KAZN: variants seen among roughly 807,000 people sequenced by gnomAD.
The protein encoded by KAZN is kazrin.
KAZN carries 40 observed loss-of-function variants against 87.4 expected under a neutral mutation model. That is an observed-to-expected ratio of 0.46 (90% confidence interval 0.36 to 0.60). The LOEUF (loss-of-function observed/expected upper bound fraction) is 0.60, where lower values mean the gene tolerates loss of function less well. KAZN is among the 20% of genes least tolerant of loss of function. The probability of loss-of-function intolerance (pLI) is 0.00; values close to 1 mark genes in which losing one functional copy is unlikely to be tolerated. For missense variants in KAZN, 898 were observed against 1,073.9 expected, an observed-to-expected ratio of 0.84 and a Z score of 2.29; for synonymous variants, 466 against 458.3, an observed-to-expected ratio of 1.02 and a Z score of -0.22.
At chr1:14,739,339 T>C (rs577384872) in intron 1 of KAZN, among the ~76,000 whole-genome samples, 1 of 152,140 alleles carries the variant, frequency 6.6e-6, no homozygotes, top group African/African-American at 2.4e-5. Flanking sequence ...TTGGAGTGGA[T>C]GGCCTCTGGC....
chr1:14,499,170 T>TG (rs1450712105), intron 2 of KAZN, among the ~76,000 whole-genome samples: 1 of 152,126 alleles, frequency 6.6e-6, no homozygotes, highest in Non-Finnish European at 1.5e-5. Flanking sequence ...ATCGGGTGAC[T>TG]GGAGTTCTGA....
chr1:15,007,714 C>T (rs534096128), intron 2 of KAZN, among the ~76,000 whole-genome samples: 7 of 152,312 alleles, frequency 4.6e-5, no homozygotes, highest in South Asian at 4.1e-4. Flanking sequence ...TTAGCAGGCC[C>T]GGCAAAGTGG....
At chr1:14,416,998 A>ATACATATGTATATATG (rs1664832365) in intron 2 of KAZN, among the ~76,000 whole-genome samples, 4 of 84,462 alleles carry the variant, frequency 4.7e-5, no homozygotes, top group Non-Finnish European at 9.8e-5. Flanking sequence ...ATATGTGTGT[A>ATACATATGTATATATG]TGTATATATA....
At chr1:15,051,688 T>C (rs1674424289) in intron 4 of KAZN, among the ~76,000 whole-genome samples, 1 of 152,116 alleles carries the variant, frequency 6.6e-6, no homozygotes, top group Non-Finnish European at 1.5e-5. Flanking sequence ...ATCCCACAGC[T>C]CAGAGTGGCA....
intron 2 of KAZN, among the ~76,000 whole-genome samples, chr1:14,498,337 C>A (rs1185138598): frequency 3.3e-5 from 5 of 152,194 alleles, no homozygotes; most frequent in Non-Finnish European, 5.9e-5. Context: ...GCTCTGTGCC[C>A]CAGGGTGAAG....
At chr1:14,290,838 G>A (rs1653627673) in intron 2 of KAZN, among the ~76,000 whole-genome samples, 1 of 152,214 alleles carries the variant, frequency 6.6e-6, no homozygotes, top group Non-Finnish European at 1.5e-5. Flanking sequence ...GGTCTTTGAT[G>A]TTGGTGAACT....
In KAZN at chr1:14,710,072, G is replaced by A. The variant is rs115797591; in HGVS notation, c.226+110849G>A. On this transcript the variant is annotated intron_variant, in intron 1 of 14. Transcript: ENST00000376030. ...CCACACCCCAGGCTTCAAAGAGAAC[G>A]TGCTGGACACTGCCTCTGCCCTGGT... is the stretch of plus-strand genomic sequence containing the variant. 6.5e-3 allele frequency among the ~76,000 whole-genome samples: 993 copies of A among 152,250 alleles called. 8 individuals carry two copies. Among genetic ancestry groups the A allele is most frequent in the Middle Eastern group, 0.014 (4 of 294 alleles).
At chr1:14,076,313 G>C (rs553007111) in intron 1 of KAZN, among the ~76,000 whole-genome samples, 11 of 152,120 alleles carry the variant, frequency 7.2e-5, no homozygotes, top group African/African-American at 2.6e-4. Flanking sequence ...ACACAGACAG[G>C]TCAGCACACT....
chr1:14,764,212 C>G lies in KAZN; in HGVS notation c.226+164989C>G, dbSNP rs537486394. 2.4e-3 allele frequency among the ~76,000 whole-genome samples: 368 copies of G among 152,156 alleles called. 1 individual carries two copies. The highest frequency in any genetic ancestry group is 8.4e-3 in the African/African-American group (348 of 41,508). ...CCCGGGGCACTGAGGGCTGGGACCTCAGGCCTTTGCATGGGCTGTACTTTC... is the reference window on the plus strand; with the variant it reads ...CCCGGGGCACTGAGGGCTGGGACCTGAGGCCTTTGCATGGGCTGTACTTTC... On this transcript the variant is annotated intron_variant, in intron 1 of 14. Coordinates refer to ENST00000376030, the MANE Select transcript of KAZN (RefSeq NM_201628.3).
At position 14,264,801 on chromosome 1, in the gene KAZN, T is replaced by G. The variant is rs915170519; in HGVS notation, c.249+84209T>G. On this transcript the variant is annotated intron_variant, in intron 2 of 16. Transcript: ENST00000636203. ...AATCAATTTCCTCTTCTGCCACATC[T>G]CTCTGACTCCAAACAAATAAATTTC... Among the ~76,000 whole-genome samples the G allele has an allele frequency of 2.0e-5, 3 of 152,218 alleles. No homozygotes were observed. The South Asian group carries it at 6.2e-4, about 31-fold the overall frequency.
At chr1:14,207,523 C>T (rs538993406) in intron 2 of KAZN, among the ~76,000 whole-genome samples, 2 of 152,302 alleles carry the variant, frequency 1.3e-5, no homozygotes, top group South Asian at 2.1e-4. Flanking sequence ...ATCTCACTCA[C>T]TCACTCACTC....
chr1:15,056,148 A>G lies in KAZN; in HGVS notation c.784A>G (p.Met262Val), dbSNP rs766465498. 1.2e-6 allele frequency: 2 copies of G among 1,614,134 alleles called. No homozygotes were observed. Among genetic ancestry groups the G allele is most frequent in the Non-Finnish European group, 8.5e-7 (1 of 1,179,966 alleles). The change falls in exon 5 of 15, where the codon ATG (methionine) becomes GTG (valine). Residue 262 changes from methionine to valine, a missense_variant. Physicochemically the swap from Met to Val is conservative, Grantham distance 21. Around this residue, in one of 3 missense-constraint regions of KAZN, gnomAD observed 521 missense variants for 689.4 expected, o/e 0.76. Coordinates refer to ENST00000376030, the MANE Select transcript of KAZN (RefSeq NM_201628.3). This position sits in a 1 kb window ranked among gnomAD's most constrained non-coding sequence, Gnocchi z 5.4. ...CGTCCCCAAGCGGCATTCCCTCGCC[A>G]TGCCGGGCGAGACGGTGCTCAATGG... ...KDVPKRHSLA[M>V]PGETVLNGNQ...
In KAZN at chr1:14,420,972, G is replaced by C. The variant is rs1181383781; in HGVS notation, c.250-178011G>C. ...CGGCCTCCGCCAGCCCAGAGAGGGG[G>C]CTCCCACAGTGCAGCGGTGGGCTGA... On this transcript the variant is annotated intron_variant, in intron 2 of 16. Transcript: ENST00000636203. 1.3e-5 allele frequency among the ~76,000 whole-genome samples: 2 copies of C among 150,978 alleles called. 1 individual carries two copies. Among genetic ancestry groups the C allele is most frequent in the South Asian group, 4.2e-4 (2 of 4,818 alleles).
chr1:14,971,255 A>G (rs542081335), intron 2 of KAZN, among the ~76,000 whole-genome samples: 2 of 152,272 alleles, frequency 1.3e-5, no homozygotes, highest in South Asian at 2.1e-4. Context: ...AAAATTAGCC[A>G]GGCATGGTGG....
At chr1:14,702,878 T>C (rs892338604) in intron 1 of KAZN, among the ~76,000 whole-genome samples, 1 of 152,228 alleles carries the variant, frequency 6.6e-6, no homozygotes, top group Admixed American at 6.5e-5. Context: ...CAGGAATTAA[T>C]ACCTGAGATC....
chr1:14,995,819 A>G (rs1468839850), intron 2 of KAZN, among the ~76,000 whole-genome samples: 2 of 151,942 alleles, frequency 1.3e-5, no homozygotes, highest in African/African-American at 2.4e-5. Flanking sequence ...ATTTACCTTC[A>G]TTTATTCTAG....
At chr1:14,021,389 T>A (rs1640817780) in intron 1 of KAZN, among the ~76,000 whole-genome samples, 1 of 152,208 alleles carries the variant, frequency 6.6e-6, no homozygotes, top group Admixed American at 6.5e-5. Context: ...ATAGGATCAG[T>A]ATCTGCATTT....
intron 2 of KAZN, among the ~76,000 whole-genome samples, chr1:14,298,331 A>T (rs1467138515): frequency 6.6e-6 from 1 of 152,238 alleles, no homozygotes; most frequent in Admixed American, 6.5e-5. Flanking sequence ...AGCCCTTGTC[A>T]TTCATGAAAT....
chr1:15,016,317 CT>C (rs1360923185), intron 2 of KAZN, among the ~76,000 whole-genome samples: 2 of 152,178 alleles, frequency 1.3e-5, no homozygotes, highest in Non-Finnish European at 2.9e-5. Flanking sequence ...CAGAGTCTCA[CT>C]TTTGTTGCCT....
Sources: allele counts gnomAD v4.1 joint callset (sites outside exome capture counted in the v4.1 genomes callset), GRCh38; gene constraint gnomAD v4.1.1; regional missense constraint gnomAD v4.1.1; non-coding constraint Gnocchi (gnomAD v3.1); transcripts MANE v1.5; gene names NCBI Gene and HGNC (gene_info 2026-07-23, HGNC 2026-07-21).